POU6F2: variants seen among roughly 807,000 people sequenced by gnomAD.
POU6F2 encodes the protein POU domain, class 6, transcription factor 2.
A neutral mutation model predicts 71.3 loss-of-function variants in POU6F2; 31 were observed. The ratio of observed to expected loss-of-function variants is 0.43; its 90% CI spans 0.33 to 0.59. The LOEUF (loss-of-function observed/expected upper bound fraction) is 0.59, where lower values mean the gene tolerates loss of function less well. Ranked by LOEUF, POU6F2 falls within the 20% of genes least tolerant of loss-of-function variation. POU6F2 has a pLI of 0.04. For synonymous variants in POU6F2, 347 were observed against 355.7 expected, an observed-to-expected ratio of 0.98 and a Z score of 0.27; for missense variants, 783 against 856.8, an observed-to-expected ratio of 0.91 and a Z score of 1.07.
intron 1 of POU6F2, among the ~76,000 whole-genome samples, chr7:39,075,255 A>G (rs79327780): frequency 3.3e-5 from 5 of 152,150 alleles, no homozygotes; most frequent in East Asian, 1.9e-4. Context: ...TGCCCGGTCC[A>G]ATGTCACAGC....
intron 4 of POU6F2, among the ~76,000 whole-genome samples, chr7:39,271,638 C>T (rs1422488399): frequency 1.3e-5 from 2 of 152,102 alleles, no homozygotes; most frequent in Non-Finnish European, 2.9e-5. Context: ...ATCCCAGCAG[C>T]GTGAGCTTTG....
At chr7:39,370,737 G>C (rs1239426226) in intron 5 of POU6F2, among the ~76,000 whole-genome samples, 2 of 152,202 alleles carry the variant, frequency 1.3e-5, no homozygotes, top group Non-Finnish European at 2.9e-5. Flanking sequence ...GGTGGACTGT[G>C]AGTAAAGTAG....
At chr7:39,124,048 CT>C (rs367553456) in intron 2 of POU6F2, among the ~76,000 whole-genome samples, 29 of 130,146 alleles carry the variant, frequency 2.2e-4, no homozygotes, top group Non-Finnish European at 2.8e-4. Context: ...TAGACTGGGC[CT>C]TTTTTTTTTT....
intron 2 of POU6F2, among the ~76,000 whole-genome samples, chr7:39,142,723 G>A (rs1792529589): frequency 6.6e-6 from 1 of 152,048 alleles, no homozygotes; most frequent in Non-Finnish European, 1.5e-5. Context: ...CTGCTTATTT[G>A]AGCTTCTCTT....
chr7:39,378,666 A>G (rs2115784520), intron 5 of POU6F2, among the ~76,000 whole-genome samples: 1 of 152,248 alleles, frequency 6.6e-6, no homozygotes, highest in South Asian at 2.1e-4. Context: ...TCTTTCTCCA[A>G]CATTGTAATA....
chr7:39,314,019 T>G (rs1469464906), intron 4 of POU6F2, among the ~76,000 whole-genome samples: 1 of 152,214 alleles, frequency 6.6e-6, no homozygotes, highest in African/African-American at 2.4e-5. Context: ...GATTCTGTGA[T>G]GCTATGCACA....
chr7:39,422,817 G>C (rs914284667), intron 6 of POU6F2, among the ~76,000 whole-genome samples: 4 of 152,126 alleles, frequency 2.6e-5, no homozygotes, highest in Non-Finnish European at 4.4e-5. Flanking sequence ...ATTGTTACCT[G>C]ACTTACGTAG....
intron 4 of POU6F2, among the ~76,000 whole-genome samples, chr7:39,257,655 A>G (rs1784051317): frequency 1.3e-5 from 2 of 152,200 alleles, no homozygotes; most frequent in South Asian, 2.1e-4. Flanking sequence ...AGAAGGCAAG[A>G]GAACTAGGCT....
intron 2 of POU6F2, among the ~76,000 whole-genome samples, chr7:39,151,641 T>C (rs936022560): frequency 6.6e-6 from 1 of 152,240 alleles, no homozygotes; most frequent in Non-Finnish European, 1.5e-5. Context: ...CCTACCCTAG[T>C]AACTTCTCTT....
chr7:39,227,197 A>C (rs1794477837), intron 4 of POU6F2, among the ~76,000 whole-genome samples: 1 of 152,234 alleles, frequency 6.6e-6, no homozygotes, highest in African/African-American at 2.4e-5. Context: ...TACTTGTACT[A>C]TATTTAAATA....
intron 4 of POU6F2, among the ~76,000 whole-genome samples, chr7:39,252,399 G>GACAGAC (rs1554335522): frequency 0.076 from 10,899 of 144,058 alleles, 455 homozygotes; most frequent in East Asian, 0.12. Flanking sequence ...CAGACAGACA[G>GACAGAC]ACACACACAC....
At chr7:39,217,547 C>T (rs1446662598) in intron 4 of POU6F2, among the ~76,000 whole-genome samples, 1 of 152,172 alleles carries the variant, frequency 6.6e-6, no homozygotes, top group Non-Finnish European at 1.5e-5. Context: ...GTACCTGCCA[C>T]AGAAATGAGA....
chr7:39,392,170 T>G (rs1006392378), intron 5 of POU6F2, among the ~76,000 whole-genome samples: 3 of 152,202 alleles, frequency 2.0e-5, no homozygotes, highest in Non-Finnish European at 4.4e-5. Context: ...TGTTCCAAAT[T>G]TTATTCCATT....
chr7:39,360,796 T>C lies in POU6F2; in HGVS notation c.972+20781T>C, dbSNP rs888827376. 2.6e-5 allele frequency among the ~76,000 whole-genome samples: 4 copies of C among 152,234 alleles called. No homozygotes were observed. In the South Asian group the frequency reaches 8.3e-4, roughly 32 times the overall value. On this transcript the variant is annotated intron_variant, in intron 5 of 9. Coordinates refer to ENST00000518318, the MANE Select transcript of POU6F2 (RefSeq NM_001370959.1). The stretch of plus-strand genomic sequence containing the variant: ...TTTATGCCTCCCCTTTTAGACCATA[T>C]AGAGTAACTTCCTGACATTGCTATG...
chr7:39,142,258 C>A (rs1334288531), intron 2 of POU6F2, among the ~76,000 whole-genome samples: 1 of 152,198 alleles, frequency 6.6e-6, no homozygotes, highest in East Asian at 1.9e-4. Flanking sequence ...GGCAGCTGCA[C>A]TGTGCCTTTG....
chr7:39,468,466 A>G lies in POU6F2; in HGVS notation c.*3780A>G, dbSNP rs541371192. On this transcript the variant is annotated 3_prime_UTR_variant, in exon 10 of 10. Transcript: ENST00000518318. ...TATCTGCACAGGTTGCTTAATATTT[A>G]AAAAAAAAAAAAACTGTACTTAATC... 3 of 95,828 alleles carry G rather than the reference A, an allele frequency of 3.1e-5. No individual in the cohort carries two copies. Among genetic ancestry groups the G allele is most frequent in the Non-Finnish European group, 7.9e-5 (3 of 38,212 alleles). 5.9% of individuals were successfully genotyped at this position (95,828 alleles called of 1,614,324 possible). A position where few individuals can be genotyped will look rare whatever the true frequency, so the allele number is the denominator to read the frequency against.
At chr7:39,032,672 G>C (rs1291204821) in intron 1 of POU6F2, among the ~76,000 whole-genome samples, 1 of 152,188 alleles carries the variant, frequency 6.6e-6, no homozygotes, top group Non-Finnish European at 1.5e-5. Context: ...CTGAGAATTT[G>C]CTTTGTTTGA....
At chr7:39,176,444 A>G (rs1261370517) in intron 2 of POU6F2, among the ~76,000 whole-genome samples, 1 of 152,200 alleles carries the variant, frequency 6.6e-6, no homozygotes, top group Non-Finnish European at 1.5e-5. Context: ...TGGTTACTCA[A>G]TGCCCTCATG....
At position 38,996,035 on chromosome 7, in the gene POU6F2, C is replaced by CTTTTTTTTTTT. The variant is rs5883669; in HGVS notation, c.105+17989_105+17999dup. Among the ~76,000 whole-genome samples, 74 of 85,358 alleles carry CTTTTTTTTTTT rather than the reference C, an allele frequency of 8.7e-4. 1 individual carries two copies. Among genetic ancestry groups the CTTTTTTTTTTT allele is most frequent in the Non-Finnish European group, 1.1e-3 (52 of 45,884 alleles). The allele number at this position is 85,358 out of a possible 152,430, so 56.0% of individuals were successfully genotyped here. On this transcript the variant is annotated intron_variant, in intron 1 of 9. Transcript: ENST00000518318. Reference sequence around the variant, plus strand: ...TGAAGCTCCTTAGTAAGGGGCTTGGCTTTTTTTTTTTTTTTTTTTTTTAGA... The same window carrying CTTTTTTTTTTT: ...TGAAGCTCCTTAGTAAGGGGCTTGGCTTTTTTTTTTTTTTTTTTTTTTTTTTTTTTTTTAGA...
Sources: allele counts gnomAD v4.1 joint callset (sites outside exome capture counted in the v4.1 genomes callset), GRCh38; gene constraint gnomAD v4.1.1; transcripts MANE v1.5; gene names NCBI Gene and HGNC (gene_info 2026-07-23, HGNC 2026-07-21).